Variants in CDKAL1 observed in about 807,000 individuals in gnomAD.
The protein encoded by CDKAL1 is CDKAL1 threonylcarbamoyladenosine tRNA methylthiotransferase, also known as threonylcarbamoyladenosine tRNA methylthiotransferase.
Under a neutral mutation model 68.2 loss-of-function variants are expected in CDKAL1, and 32 were observed. The ratio of observed to expected loss-of-function variants is 0.47; its 90% CI spans 0.35 to 0.63. CDKAL1 has a LOEUF of 0.63. CDKAL1 is among the 30% of genes least tolerant of loss of function. The pLI is 0.00. For missense variants in CDKAL1, 606 were observed against 696.7 expected, an observed-to-expected ratio of 0.87 and a Z score of 1.47; for synonymous variants, 234 against 244.3, an observed-to-expected ratio of 0.96 and a Z score of 0.39.
intron 10 of CDKAL1, among the ~76,000 whole-genome samples, chr6:20,989,377 C>T (rs914325916): frequency 6.6e-6 from 1 of 152,196 alleles, no homozygotes; most frequent in Non-Finnish European, 1.5e-5. Flanking sequence ...GAAGTCTTAA[C>T]TAAAGCAGTT....
chr6:20,770,470 C>G (rs994554374), intron 7 of CDKAL1, among the ~76,000 whole-genome samples: 1 of 152,172 alleles, frequency 6.6e-6, no homozygotes, highest in Non-Finnish European at 1.5e-5. Flanking sequence ...TATTCTCAAT[C>G]CTAGTTATGT....
intron 9 of CDKAL1, among the ~76,000 whole-genome samples, chr6:20,890,747 G>A (rs900683677): frequency 3.9e-5 from 6 of 152,094 alleles, no homozygotes; most frequent in Non-Finnish European, 7.4e-5. Flanking sequence ...TGCATCAGGC[G>A]ATTTGCATCA....
At chr6:20,883,337 AT>A (rs1760914832) in intron 9 of CDKAL1, among the ~76,000 whole-genome samples, 2 of 152,196 alleles carry the variant, frequency 1.3e-5, no homozygotes, top group Admixed American at 1.3e-4. Flanking sequence ...TTCCAGGCAG[AT>A]GCCCCTTCCC....
intron 4 of CDKAL1, chr6:20,558,773 G>A (rs1021250079): frequency 1.1e-5 from 4 of 353,440 alleles, no homozygotes; most frequent in Non-Finnish European, 2.2e-5. Flanking sequence ...ATTTTTAAGA[G>A]TGGAAATTGC....
rs73732777 is a variant in CDKAL1, at chr6:20,775,941, T to G, written c.518-5204T>G. ...CCCTCCTTTCATCTTTGGCCAGATA[T>G]AACAAGTGACTGTTACGTTATTTCC... On this transcript the variant is annotated intron_variant, in intron 7 of 15. Transcript: ENST00000274695. Among the ~76,000 whole-genome samples the G allele has an allele frequency of 8.4e-3, 1,276 of 152,248 alleles. 13 individuals are homozygous for G. The highest frequency in any genetic ancestry group is 0.028 in the African/African-American group (1,171 of 41,536).
chr6:20,535,994 C>T (rs995918414), intron 2 of CDKAL1, among the ~76,000 whole-genome samples: 1 of 152,074 alleles, frequency 6.6e-6, no homozygotes, highest in African/African-American at 2.4e-5. Flanking sequence ...TGCAGTGGCT[C>T]GATTACGGCT....
chr6:21,149,498 G>T (rs1259393032), intron 13 of CDKAL1, among the ~76,000 whole-genome samples: 2 of 152,160 alleles, frequency 1.3e-5, no homozygotes, highest in Admixed American at 6.5e-5. Flanking sequence ...TTCAGTGATA[G>T]ACAATGGAAA....
At chr6:20,627,049 C>T (rs544178205) in intron 4 of CDKAL1, among the ~76,000 whole-genome samples, 46 of 152,234 alleles carry the variant, frequency 3.0e-4, no homozygotes, top group Admixed American at 1.8e-3. Flanking sequence ...AGCCCAAATC[C>T]GAATATATCC....
At chr6:21,229,537 C>A (rs919716740) in intron 15 of CDKAL1, among the ~76,000 whole-genome samples, 1 of 152,142 alleles carries the variant, frequency 6.6e-6, no homozygotes, top group African/African-American at 2.4e-5. Context: ...AAAGAGGTAC[C>A]AGGAGGTTGC....
chr6:20,962,694 G>A (rs1765111454), intron 10 of CDKAL1, among the ~76,000 whole-genome samples: 1 of 151,932 alleles, frequency 6.6e-6, no homozygotes. Context: ...TATACTTTCT[G>A]GAATAATAGA....
At chr6:20,932,594 T>C (rs1480000112) in intron 9 of CDKAL1, among the ~76,000 whole-genome samples, 1 of 152,186 alleles carries the variant, frequency 6.6e-6, no homozygotes. Flanking sequence ...GACAATGCCC[T>C]TTCCCAAAAC....
intron 15 of CDKAL1, among the ~76,000 whole-genome samples, chr6:21,212,159 G>T (rs902713377): frequency 8.5e-5 from 13 of 152,156 alleles, no homozygotes; most frequent in Non-Finnish European, 1.6e-4. Flanking sequence ...GTCTGCCCAC[G>T]ACTGGCTCCA....
intron 10 of CDKAL1, among the ~76,000 whole-genome samples, chr6:20,988,948 G>A (rs1481872721): frequency 3.3e-5 from 5 of 151,538 alleles, no homozygotes; most frequent in Admixed American, 2.0e-4. Flanking sequence ...ACGAGCCACC[G>A]TGCCTGGCTG....
chr6:21,111,093 A>C (rs926358158), intron 13 of CDKAL1, among the ~76,000 whole-genome samples: 2 of 152,172 alleles, frequency 1.3e-5, no homozygotes, highest in Non-Finnish European at 2.9e-5. Flanking sequence ...TCATTATTTT[A>C]TTCTGCATTT....
intron 5 of CDKAL1, among the ~76,000 whole-genome samples, chr6:20,657,185 G>A (rs947611870): frequency 5.3e-5 from 8 of 152,270 alleles, no homozygotes; most frequent in Admixed American, 5.2e-4. Flanking sequence ...GTTAAGTCGT[G>A]CTACACATGT....
intron 13 of CDKAL1, among the ~76,000 whole-genome samples, chr6:21,160,675 G>GTGTC (rs1449431689): frequency 7.1e-6 from 1 of 140,720 alleles, no homozygotes; most frequent in East Asian, 2.1e-4. Flanking sequence ...GTGTGTGTGT[G>GTGTC]TGTCTGTGTC....
chr6:20,613,127 A>G (rs1766705325), intron 4 of CDKAL1, among the ~76,000 whole-genome samples: 1 of 151,866 alleles, frequency 6.6e-6, no homozygotes, highest in African/African-American at 2.4e-5. Flanking sequence ...TTCTCCTTTT[A>G]CATAAAAGTT....
intron 4 of CDKAL1, among the ~76,000 whole-genome samples, chr6:20,555,944 T>C (rs1245128272): frequency 6.6e-6 from 1 of 152,106 alleles, no homozygotes; most frequent in African/African-American, 2.4e-5. Context: ...TTAAAATATG[T>C]AACCCTTATT....
At chr6:21,197,974 G>T in intron 13 of CDKAL1, 47 bp from the exon 14 acceptor site, 1 of 1,199,626 alleles carries the variant, frequency 8.3e-7, no homozygotes, top group Non-Finnish European at 1.2e-6. Context: ...GGATTCACAG[G>T]TGTTTACCCT....
Sources: gnomAD v4.1 joint callset for allele counts (sites outside exome capture counted in the v4.1 genomes callset) on GRCh38, gnomAD v4.1.1 for gene constraint, MANE v1.5 for transcripts, NCBI Gene and HGNC (gene_info 2026-07-23, HGNC 2026-07-21) for gene names.